Variants in RTL9 observed in about 807,000 individuals in gnomAD.
The protein encoded by RTL9 is retrotransposon Gag like 9.
RTL9 carries 19 observed loss-of-function variants against 44.7 expected under a neutral mutation model. The ratio of observed to expected loss-of-function variants is 0.42; its 90% CI spans 0.30 to 0.62. The LOEUF is 0.62. Ranked by LOEUF, RTL9 falls within the 20% of genes least tolerant of loss-of-function variation. The pLI, the probability that RTL9 is intolerant of heterozygous loss-of-function variation, is 0.16. For synonymous variants in RTL9, 407 were observed against 398.9 expected, an observed-to-expected ratio of 1.02 and a Z score of -0.24; for missense variants, 1,105 against 1,080.6, an observed-to-expected ratio of 1.02 and a Z score of -0.32.
upstream of RTL9, among the ~76,000 whole-genome samples, chrX:110,418,369 AG>A (rs1054759565): frequency 2.7e-5 from 3 of 112,344 alleles, no homozygotes; most frequent in Non-Finnish European, 5.6e-5. Flanking sequence ...CTGTGCTGAG[AG>A]CTGCGGTGAA....
At chrX:110,438,434 A>C (rs2068855139) in intron 1 of RTL9, among the ~76,000 whole-genome samples, 1 of 111,496 alleles carries the variant, frequency 9.0e-6, no homozygotes, top group African/African-American at 3.3e-5. Flanking sequence ...CAGAATCCGT[A>C]ATCTGCCCCC....
At chrX:110,374,233 T>C (rs1007380650) in intron 1 of RTL9, among the ~76,000 whole-genome samples, 1 of 112,040 alleles carries the variant, frequency 8.9e-6, no homozygotes, top group African/African-American at 3.2e-5. Context: ...ACATCAAAGA[T>C]AAAATGAAAA....
At chrX:110,363,162 T>G (rs1484722080) in intron 1 of RTL9, among the ~76,000 whole-genome samples, 2 of 111,787 alleles carry the variant, frequency 1.8e-5, no homozygotes, top group East Asian at 5.6e-4. Flanking sequence ...GTAACACTAG[T>G]TGGGGCTATA....
chrX:110,417,127 G>A (rs181897396), upstream of RTL9, among the ~76,000 whole-genome samples: 12 of 111,668 alleles, frequency 1.1e-4, no homozygotes, highest in Non-Finnish European at 2.1e-4. Context: ...CTTCCCTACC[G>A]CACTCATCCC....
intron 1 of RTL9, among the ~76,000 whole-genome samples, chrX:110,422,629 G>A (rs915027863): frequency 8.9e-6 from 1 of 112,296 alleles, no homozygotes; most frequent in African/African-American, 3.2e-5. Context: ...AAATTTCCTC[G>A]CAGCAGCTAC....
chrX:110,382,418 T>C lies in RTL9; in HGVS notation c.-168+23502T>C, dbSNP rs1034104163. ...GAGACATGGATGAAGCTTGTGAAAA[T>C]GACACTTTCTTAAAAGAGCAGAAGA... On this transcript the variant is annotated intron_variant, in intron 1 of 2. Coordinates refer to the RTL9 transcript ENST00000520821. Among the ~76,000 whole-genome samples, 5 of 109,628 alleles carry C rather than the reference T, an allele frequency of 4.6e-5. 1 individual carries two copies. Among genetic ancestry groups the C allele is most frequent in the African/African-American group, 1.3e-4 (4 of 30,068 alleles).
intron 1 of RTL9, among the ~76,000 whole-genome samples, chrX:110,429,152 C>A (rs1375258143): frequency 8.9e-6 from 1 of 112,102 alleles, no homozygotes; most frequent in Admixed American, 9.4e-5. Context: ...TACCACACAG[C>A]CTGATATTAA....
chrX:110,387,948 G>A lies in RTL9; in HGVS notation c.-168+29032G>A, dbSNP rs184814866. Among the ~76,000 whole-genome samples, 15 of 99,604 alleles carry A rather than the reference G, an allele frequency of 1.5e-4. No homozygotes were observed. The East Asian group carries it at 2.0e-3, about 13-fold the overall frequency. The allele number at this position is 99,604 out of a possible 115,157, so 86.5% of individuals were successfully genotyped here. ...GCGATCTTGGCTCACTGCAAGCTCC[G>A]CCTCCCGGGTTCACGCCATTCTCCT... On this transcript the variant is annotated intron_variant, in intron 1 of 2. Coordinates refer to the RTL9 transcript ENST00000520821.
At chrX:110,413,083 C>T (rs773091438) in intron 1 of RTL9, among the ~76,000 whole-genome samples, 1 of 111,520 alleles carries the variant, frequency 9.0e-6, no homozygotes, top group Non-Finnish European at 1.9e-5. Flanking sequence ...GTCATCTGTC[C>T]TCTCCCATAC....
chrX:110,370,686 G>A (rs2068332296), intron 1 of RTL9, among the ~76,000 whole-genome samples: 2 of 112,017 alleles, frequency 1.8e-5, no homozygotes, highest in East Asian at 2.8e-4. Context: ...AAATGCCATC[G>A]GGGCAAGCTG....
rs760760141 is a variant in RTL9, at chrX:110,361,441, G to A, written c.-168+2525G>A. 1.5e-4 allele frequency among the ~76,000 whole-genome samples: 17 copies of A among 111,094 alleles called. No homozygotes were observed. In the South Asian group the frequency reaches 6.5e-3, roughly 42 times the overall value. ...CACTCAAGCCTATTATTCTCTCACT[G>A]TTTTTTGGAACCAGGATAATTTTAT... On this transcript the variant is annotated intron_variant, in intron 1 of 2. Coordinates refer to the RTL9 transcript ENST00000520821.
exon 1 of RTL9, chrX:110,451,132 C>T (rs755620301): frequency 8.2e-7 from 1 of 1,212,266 alleles, no homozygotes; most frequent in Non-Finnish European, 1.1e-6. Context: ...ATGCCAGCTC[C>T]ATCCTCTGGA....
chrX:110,427,256 G>A (rs1317340686), intron 1 of RTL9, among the ~76,000 whole-genome samples: 1 of 111,684 alleles, frequency 9.0e-6, no homozygotes, highest in Non-Finnish European at 1.9e-5. Context: ...TTTCAAACAT[G>A]CAAATCAAAT....
At chrX:110,387,101 G>A (rs1262826377) in intron 1 of RTL9, among the ~76,000 whole-genome samples, 4 of 111,895 alleles carry the variant, frequency 3.6e-5, no homozygotes, top group South Asian at 3.7e-4. Flanking sequence ...ATTAACTACC[G>A]CCATGCCTGT....
chrX:110,365,006 G>T (rs978754298), intron 1 of RTL9, among the ~76,000 whole-genome samples: 2 of 111,918 alleles, frequency 1.8e-5, no homozygotes, highest in Non-Finnish European at 3.8e-5. Flanking sequence ...TCTAGAAACA[G>T]TAGGGACTTC....
intron 1 of RTL9, among the ~76,000 whole-genome samples, chrX:110,443,505 A>G (rs2148343570): frequency 8.9e-6 from 1 of 112,507 alleles, no homozygotes; most frequent in African/African-American, 3.2e-5. Flanking sequence ...ACCTTTACCT[A>G]CACAACCAAG....
upstream of RTL9, among the ~76,000 whole-genome samples, chrX:110,415,817 T>A (rs1481005074): frequency 9.0e-6 from 1 of 110,920 alleles, no homozygotes; most frequent in Non-Finnish European, 1.9e-5. Context: ...GCTTTGGGAG[T>A]CAGGTTTGCT....
At chrX:110,450,818 A>C (rs376741476) in exon 1 of RTL9, 1 of 1,211,421 alleles carries the variant, frequency 8.3e-7, no homozygotes, top group Non-Finnish European at 1.1e-6. Context: ...AGTTGATGAC[A>C]TCTCCAGTCT....
intron 1 of RTL9, among the ~76,000 whole-genome samples, chrX:110,366,707 G>A (rs893733217): frequency 2.7e-5 from 3 of 111,319 alleles, no homozygotes; most frequent in East Asian, 2.8e-4. Flanking sequence ...ACATCCAATC[G>A]TTGTTAAATC....
Sources: allele counts gnomAD v4.1 joint callset (sites outside exome capture counted in the v4.1 genomes callset), GRCh38; gene constraint gnomAD v4.1.1; transcripts MANE v1.5; gene names NCBI Gene and HGNC (gene_info 2026-07-23, HGNC 2026-07-21).